The following ARHGAP21 variants were observed in gnomAD, a reference collection of about 807,000 sequenced individuals.
ARHGAP21 encodes Rho GTPase activating protein 21.
A neutral mutation model predicts 164.6 loss-of-function variants in ARHGAP21; 38 were observed. The observed-to-expected ratio is 0.23, with a 90% confidence interval of 0.18 to 0.30. ARHGAP21 has a LOEUF of 0.30. Ranked by LOEUF, ARHGAP21 falls within the 10% of genes least tolerant of loss-of-function variation. The pLI is 1.00. For synonymous variants in ARHGAP21, 766 were observed against 857.9 expected (o/e 0.89, Z 1.87); for missense variants, 1,822 against 2,370.7 (o/e 0.77, Z 4.81).
chr10:24,674,827 T>G (rs187564705), intron 2 of ARHGAP21, among the ~76,000 whole-genome samples: 1 of 152,324 alleles, frequency 6.6e-6, no homozygotes, highest in Admixed American at 6.5e-5. Context: ...AAAGGACTTG[T>G]ATCTAGAATA....
At chr10:24,619,441 G>C in intron 9 of ARHGAP21, 32 bp downstream of exon 9, 2 of 1,565,242 alleles carry the variant, frequency 1.3e-6, no homozygotes, top group Non-Finnish European at 8.7e-7. Context: ...TATACATTTG[G>C]CATATTAGCC....
intron 2 of ARHGAP21, 44 bp from the exon 3 acceptor site, chr10:24,670,441 T>C (rs1840594389): frequency 4.5e-6 from 6 of 1,326,258 alleles, no homozygotes; most frequent in Non-Finnish European, 6.0e-6. Flanking sequence ...TAACACAATA[T>C]ACTTCCTCAT....
intron 2 of ARHGAP21, among the ~76,000 whole-genome samples, chr10:24,697,999 A>T (rs1843331834): frequency 6.6e-6 from 1 of 152,206 alleles, no homozygotes; most frequent in African/African-American, 2.4e-5. Flanking sequence ...AAAGCTAGTA[A>T]ATTCAGTAGC....
At chr10:24,596,663 G>T in intron 17 of ARHGAP21, 77 bp downstream of exon 17, 1 of 1,576,080 alleles carries the variant, frequency 6.3e-7, no homozygotes. Flanking sequence ...TTGTCTGAAA[G>T]GCTATATACT....
intron 2 of ARHGAP21, among the ~76,000 whole-genome samples, chr10:24,709,825 A>G (rs1189880054): frequency 6.6e-6 from 1 of 152,074 alleles, no homozygotes. Context: ...CCTGACGCAC[A>G]CAGACACAGA....
intron 2 of ARHGAP21, among the ~76,000 whole-genome samples, chr10:24,694,750 C>T (rs1408120500): frequency 6.6e-6 from 1 of 152,004 alleles, no homozygotes; most frequent in Non-Finnish European, 1.5e-5. Flanking sequence ...CCTTTAAGTC[C>T]TCCTAGAAAA....
chr10:24,689,843 T>TAC (rs1360326315), intron 2 of ARHGAP21, among the ~76,000 whole-genome samples: 4 of 148,260 alleles, frequency 2.7e-5, no homozygotes, highest in Admixed American at 6.8e-5. Flanking sequence ...TGTGTATATA[T>TAC]ATGTATATAT....
intron 14 of ARHGAP21, 28 bp downstream of exon 14, chr10:24,600,618 T>C (rs752478039): frequency 6.2e-7 from 1 of 1,603,304 alleles, no homozygotes; most frequent in African/African-American, 1.3e-5. Context: ...AAGGGTCAGA[T>C]TTCTCCAGCA....
intron 2 of ARHGAP21, among the ~76,000 whole-genome samples, chr10:24,718,196 G>C (rs555541642): frequency 6.6e-6 from 1 of 152,260 alleles, no homozygotes; most frequent in Admixed American, 6.5e-5. Flanking sequence ...CCTAGTTTTT[G>C]ACTTGGACCA....
chr10:24,670,952 T>C (rs1840644635), intron 2 of ARHGAP21, among the ~76,000 whole-genome samples: 1 of 152,146 alleles, frequency 6.6e-6, no homozygotes, highest in Admixed American at 6.5e-5. Context: ...CAGCTTTCAC[T>C]TGGTCATGAC....
intron 9 of ARHGAP21, among the ~76,000 whole-genome samples, chr10:24,617,620 AC>A (rs751920910): frequency 7.2e-5 from 11 of 152,232 alleles, no homozygotes; most frequent in South Asian, 4.1e-4. Context: ...ATAAAAAAAA[AC>A]ATAAGCTGTG....
At chr10:24,616,798 T>C (rs1833991100) in intron 9 of ARHGAP21, among the ~76,000 whole-genome samples, 1 of 152,236 alleles carries the variant, frequency 6.6e-6, no homozygotes, top group Non-Finnish European at 1.5e-5. Flanking sequence ...ACAGCTCACA[T>C]TGTTGAGGTT....
Position 24,596,878 on chromosome 10 carries a change from A to G in ARHGAP21, c.3339T>C (p.Asp1113=), listed in dbSNP as rs1355477228. 6.3e-6 allele frequency: 10 copies of G among 1,598,136 alleles called. No homozygotes were observed. Among genetic ancestry groups the G allele is most frequent in the Admixed American group, 1.8e-5 (1 of 54,632 alleles). Residue 1113 remains aspartate, a synonymous_variant, in exon 17 of 26, where the codon GAT becomes GAC. Coordinates refer to ENST00000396432, the MANE Select transcript of ARHGAP21 (RefSeq NM_020824.4). The part of the protein sequence containing the change: ...ESERKLLSKD[D]TSPPKDKGTW... ...TGCCTTTGTCTTTTGGGGGACTGGT[A>G]TCATCTTTTGATTGCCAGTCAAAAT...
intron 2 of ARHGAP21, among the ~76,000 whole-genome samples, chr10:24,711,799 C>G (rs952859503): frequency 2.0e-5 from 3 of 152,138 alleles, no homozygotes; most frequent in African/African-American, 7.2e-5. Flanking sequence ...GAGCATGTGA[C>G]CAAACAGAAG....
At chr10:24,692,569 C>T (rs927602840) in intron 2 of ARHGAP21, among the ~76,000 whole-genome samples, 9 of 152,176 alleles carry the variant, frequency 5.9e-5, no homozygotes, top group Admixed American at 6.5e-5. Flanking sequence ...CCATGGCTCA[C>T]GCATATAATC....
At chr10:24,635,390 T>C (rs1836274746) in intron 4 of ARHGAP21, among the ~76,000 whole-genome samples, 1 of 152,162 alleles carries the variant, frequency 6.6e-6, no homozygotes, top group South Asian at 2.1e-4. Flanking sequence ...CAGAGCTAAT[T>C]TCCACAGCAA....
At chr10:24,662,963 G>C (rs567765262) in intron 4 of ARHGAP21, among the ~76,000 whole-genome samples, 1 of 74,236 alleles carries the variant, frequency 1.3e-5, no homozygotes, top group East Asian at 3.3e-4. Context: ...CAGATATGCG[G>C]ATTTTTTTTT....
Position 24,585,329 on chromosome 10 carries a change from A to G in ARHGAP21, c.4960T>C (p.Phe1654Leu). Residue 1654 changes from phenylalanine (F) to leucine (L), a missense_variant, in exon 26 of 26, where the codon TTC becomes CTC. Around this residue, in one of 5 missense-constraint regions of ARHGAP21, gnomAD observed 333 missense variants for 383.9 expected, o/e 0.87. Transcript: ENST00000396432. ...FPTALTSERL[F>L]RGKLQEVTKS... ...GTCACTTCTTGCAGTTTTCCTCGGAAAAGCCTCTCTGAAGTCAAGGCTGTG... is the reference window on the plus strand; with the variant it reads ...GTCACTTCTTGCAGTTTTCCTCGGAGAAGCCTCTCTGAAGTCAAGGCTGTG... 1.2e-6 allele frequency: 2 copies of G among 1,612,950 alleles called. No individual in the cohort carries two copies. The highest frequency in any genetic ancestry group is 1.3e-5 in the African/African-American group (1 of 75,008).
At chr10:24,613,459 GTT>G (rs2077350551) in intron 9 of ARHGAP21, among the ~76,000 whole-genome samples, 2 of 152,242 alleles carry the variant, frequency 1.3e-5, no homozygotes, top group Admixed American at 6.5e-5. Flanking sequence ...TTAAGACCAA[GTT>G]TCTTTAATGG....
Sources: allele counts gnomAD v4.1 joint callset (sites outside exome capture counted in the v4.1 genomes callset), GRCh38; gene constraint gnomAD v4.1.1; regional missense constraint gnomAD v4.1.1; transcripts MANE v1.5; gene names NCBI Gene and HGNC (gene_info 2026-07-23, HGNC 2026-07-21).